Variants in LIMK2 observed in about 807,000 individuals in gnomAD.
LIMK2 encodes the protein LIM domain kinase 2.
Under a neutral mutation model 75.7 loss-of-function variants are expected in LIMK2, and 35 were observed. The ratio of observed to expected loss-of-function variants is 0.46; its 90% CI spans 0.35 to 0.61. LIMK2 has a LOEUF of 0.61. Ranked by LOEUF, LIMK2 falls within the 20% of genes least tolerant of loss-of-function variation. The pLI, the probability that LIMK2 is intolerant of heterozygous loss-of-function variation, is 0.00. For missense variants in LIMK2, 623 were observed against 831.0 expected (o/e 0.75, Z 3.08); for synonymous variants, 301 against 319.2 (o/e 0.94, Z 0.61).
At chr22:31,276,828 G>C (rs748430412) in intron 15 of LIMK2, 14 of 1,611,696 alleles carry the variant, frequency 8.7e-6, no homozygotes, top group African/African-American at 1.3e-5. Flanking sequence ...CGGGCTGCGC[G>C]GATGATGAGG....
At chr22:31,228,394 G>A (rs1277452151) in intron 2 of LIMK2, among the ~76,000 whole-genome samples, 1 of 151,952 alleles carries the variant, frequency 6.6e-6, no homozygotes, top group Non-Finnish European at 1.5e-5. Context: ...AGTCTAGCCT[G>A]GGCAACAAGA....
chr22:31,216,848 T>C (rs1184594365), intron 1 of LIMK2, among the ~76,000 whole-genome samples: 1 of 152,172 alleles, frequency 6.6e-6, no homozygotes, highest in Non-Finnish European at 1.5e-5. Flanking sequence ...ATCACACACA[T>C]CTCATTTCAA....
intron 2 of LIMK2, among the ~76,000 whole-genome samples, chr22:31,245,404 C>T (rs938290766): frequency 4.6e-5 from 7 of 152,094 alleles, no homozygotes; most frequent in Admixed American, 2.6e-4. Flanking sequence ...TGGGTTCAAG[C>T]GATTCTCCTG....
At chr22:31,250,973 C>G (rs1040110298) in intron 2 of LIMK2, among the ~76,000 whole-genome samples, 1 of 152,138 alleles carries the variant, frequency 6.6e-6, no homozygotes, top group African/African-American at 2.4e-5. Context: ...GGGACATGAT[C>G]AGGCGTGACA....
rs777892659 is a variant in LIMK2 at position 31,267,792 on chromosome 22, G to C, written c.1145G>C (p.Ser382Thr). 5 of 1,604,320 alleles carry C rather than the reference G, an allele frequency of 3.1e-6. No homozygotes were observed. Among genetic ancestry groups the C allele is most frequent in the Non-Finnish European group, 4.2e-6 (5 of 1,176,668 alleles). The change falls in exon 10 of 16, where the codon AGC becomes ACC. Residue 382 changes from serine to threonine, a missense_variant. This residue lies in a region of LIMK2 where 514 missense variants were observed against 661.3 expected (regional missense o/e 0.78). Transcript: ENST00000331728. Reference protein sequence around the residue: ...TFLTEVKVMRSLDHPNVLKFI... With the variant: ...TFLTEVKVMRTLDHPNVLKFI... ...CACCCCCAGGTGAAAGTGATGCGCAGCCTGGACCACCCCAATGTGCTCAAG... is the reference window on the plus strand; with the variant it reads ...CACCCCCAGGTGAAAGTGATGCGCACCCTGGACCACCCCAATGTGCTCAAG...
In LIMK2 at chr22:31,252,101, A is replaced by G. The variant is rs139911053; in HGVS notation, c.117-6190A>G. On this transcript the variant is annotated intron_variant, in intron 2 of 15. Transcript: ENST00000331728. ...TAAGGTTGAGAATTTACCTGTAAAC[A>G]TTTTTGTCTGAAGAATTTGGATGTA... Among the ~76,000 whole-genome samples the G allele has an allele frequency of 6.0e-3, 909 of 152,228 alleles. 11 individuals are homozygous for G. The highest frequency in any genetic ancestry group is 0.021 in the African/African-American group (856 of 41,510).
chr22:31,238,569 C>G (rs1339975410), intron 2 of LIMK2, among the ~76,000 whole-genome samples: 2 of 152,154 alleles, frequency 1.3e-5, no homozygotes, highest in African/African-American at 4.8e-5. Flanking sequence ...AGGCCAAAAG[C>G]TAGGCCTAGA....
chr22:31,274,486 C>T lies in LIMK2; in HGVS notation c.1615-665C>T, dbSNP rs184901099. On this transcript the variant is annotated intron_variant, in intron 14 of 15. Transcript: ENST00000331728. ...TGCAATCTTGGCTCACTGCAGCCTC[C>T]GCCTCCCAGGTTCAAGCAATCCTCC... Among the ~76,000 whole-genome samples, 663 of 152,144 alleles carry T rather than the reference C, an allele frequency of 4.4e-3. 3 individuals carry two copies. The highest frequency in any genetic ancestry group is 0.015 in the African/African-American group (613 of 41,514).
chr22:31,270,023 G>A (rs2048939678), intron 11 of LIMK2, among the ~76,000 whole-genome samples: 1 of 152,138 alleles, frequency 6.6e-6, no homozygotes, highest in South Asian at 2.1e-4. Context: ...CAGACATTTG[G>A]GGGATGGGGG....
At chr22:31,254,217 C>T (rs1395078041) in intron 2 of LIMK2, among the ~76,000 whole-genome samples, 1 of 152,216 alleles carries the variant, frequency 6.6e-6, no homozygotes, top group East Asian at 1.9e-4. Context: ...TTGCAGCAAA[C>T]AAAAGCAGGA....
chr22:31,231,058 T>C (rs1270955660), intron 2 of LIMK2, among the ~76,000 whole-genome samples: 3 of 152,218 alleles, frequency 2.0e-5, no homozygotes, highest in Non-Finnish European at 4.4e-5. Context: ...ACAGAGCTAA[T>C]AGGTAGCATA....
chr22:31,258,988 C>T (rs1869918857), intron 3 of LIMK2, 133 bp from the exon 4 acceptor site: 1 of 619,822 alleles, frequency 1.6e-6, no homozygotes, highest in African/African-American at 1.8e-5. Flanking sequence ...AGCTCTAGGG[C>T]AGAGAGTGAA....
rs1213791969 is a variant in LIMK2, at chr22:31,279,274, C to T, written c.*833C>T. On this transcript the variant is annotated 3_prime_UTR_variant, in exon 16 of 16. Transcript: ENST00000331728. ...GATCTTGGCTTCTGTTACTCATACT[C>T]GGGTGGGCTCCTTAGTCAGATGCCT... The T allele has an allele frequency of 3.9e-5, 6 of 152,266 alleles. No individual in the cohort carries two copies. Among genetic ancestry groups the T allele is most frequent in the African/African-American group, 2.4e-5 (1 of 41,458 alleles). The allele number at this position is 152,266 out of a possible 1,614,324, so 9.4% of individuals were successfully genotyped here.
intron 15 of LIMK2, chr22:31,277,254 C>A: frequency 1.3e-6 from 2 of 1,541,072 alleles, no homozygotes; most frequent in African/African-American, 1.4e-5. Flanking sequence ...ATGAGCAGGG[C>A]TCCTCGTGCC....
chr22:31,246,077 A>T (rs888535995), intron 2 of LIMK2, among the ~76,000 whole-genome samples: 22 of 151,620 alleles, frequency 1.5e-4, no homozygotes, highest in African/African-American at 5.3e-4. Context: ...GGAGGCTGAG[A>T]CAAGAGAATT....
chr22:31,224,029 G>A (rs1388321102), intron 1 of LIMK2, among the ~76,000 whole-genome samples: 1 of 152,196 alleles, frequency 6.6e-6, no homozygotes, highest in Non-Finnish European at 1.5e-5. Flanking sequence ...ACAGGGTTCG[G>A]TGACTGTCAC....
At chr22:31,250,193 G>A (rs1158061579) in intron 2 of LIMK2, among the ~76,000 whole-genome samples, 1 of 152,168 alleles carries the variant, frequency 6.6e-6, no homozygotes, top group African/African-American at 2.4e-5. Flanking sequence ...TTGAGTTTAG[G>A]AGAAAGCTTT....
chr22:31,212,355 G>A lies in LIMK2; in HGVS notation c.-54G>A, dbSNP rs1601390156. 1.5e-6 allele frequency: 2 copies of A among 1,327,572 alleles called. No homozygotes were observed. The highest frequency in any genetic ancestry group is 1.9e-6 in the Non-Finnish European group (2 of 1,030,388). The allele number at this position is 1,327,572 out of a possible 1,614,324, so 82.2% of individuals were successfully genotyped here. A position where few individuals can be genotyped will look rare whatever the true frequency, so the allele number is the denominator to read the frequency against. On this transcript the variant is annotated 5_prime_UTR_variant, in exon 1 of 16. Coordinates refer to ENST00000331728, the MANE Select transcript of LIMK2 (RefSeq NM_005569.4). ...GCTGAGGGGAGTTGTAGGGAACTGA[G>A]GGGAGCTGCTGTGTCCCCCGCCTCC...
intron 2 of LIMK2, among the ~76,000 whole-genome samples, chr22:31,251,108 A>G (rs4820043): frequency 0.79 from 120,248 of 152,218 alleles, 48,475 homozygotes; most frequent in African/African-American, 0.95. Context: ...CTAGCGTGAG[A>G]AGTGAGCTGC....
Sources: allele counts gnomAD v4.1 joint callset (sites outside exome capture counted in the v4.1 genomes callset), GRCh38; gene constraint gnomAD v4.1.1; regional missense constraint gnomAD v4.1.1; transcripts MANE v1.5; gene names NCBI Gene and HGNC (gene_info 2026-07-23, HGNC 2026-07-21).